The following ROBO2 variants were observed in gnomAD, a reference collection of about 807,000 sequenced individuals.
ROBO2 encodes roundabout guidance receptor 2.
ROBO2 carries 53 observed loss-of-function variants against 160.8 expected under a neutral mutation model. The observed-to-expected ratio is 0.33, with a 90% CI of 0.26 to 0.41. ROBO2 has a LOEUF of 0.41. Among genes scored for constraint, ROBO2 ranks in the 10% least tolerant of loss-of-function variants. The probability of loss-of-function intolerance (pLI) is 1.00; values close to 1 mark genes in which losing one functional copy is unlikely to be tolerated. For missense variants in ROBO2, 1,577 were observed against 1,722.4 expected (o/e 0.92, Z 1.49); for synonymous variants, 664 against 611.7 (o/e 1.09, Z -1.26).
intron 2 of ROBO2, among the ~76,000 whole-genome samples, chr3:76,702,849 T>C (rs1576095121): frequency 6.6e-6 from 1 of 152,100 alleles, no homozygotes; most frequent in East Asian, 1.9e-4. Flanking sequence ...TTGACATACC[T>C]GAGCCTCAGC....
intron 16 of ROBO2, among the ~76,000 whole-genome samples, chr3:77,581,176 T>C (rs1434042068): frequency 6.6e-6 from 1 of 152,178 alleles, no homozygotes; most frequent in African/African-American, 2.4e-5. Context: ...GGGTTGTCTC[T>C]TGTTACTGAT....
At chr3:77,582,582 C>T (rs1332129335) in intron 16 of ROBO2, among the ~76,000 whole-genome samples, 1 of 151,990 alleles carries the variant, frequency 6.6e-6, no homozygotes, top group Non-Finnish European at 1.5e-5. Context: ...TTTGGCTGCT[C>T]TTGGATTATT....
chr3:76,410,151 C>A (rs2075413044), intron 2 of ROBO2, among the ~76,000 whole-genome samples: 1 of 151,980 alleles, frequency 6.6e-6, no homozygotes, highest in African/African-American at 2.4e-5. Flanking sequence ...CAAAAATTTT[C>A]CAGCAAGTCT....
chr3:76,451,653 A>C (rs2109277355), intron 2 of ROBO2, among the ~76,000 whole-genome samples: 1 of 152,286 alleles, frequency 6.6e-6, no homozygotes, highest in African/African-American at 2.4e-5. Context: ...GAGGCCAGGG[A>C]AAGACACTTT....
intron 2 of ROBO2, among the ~76,000 whole-genome samples, chr3:76,825,031 C>T (rs2066441983): frequency 6.6e-6 from 1 of 152,182 alleles, no homozygotes; most frequent in Non-Finnish European, 1.5e-5. Context: ...TGCTGGTAAA[C>T]TTGCTGTAAG....
At chr3:76,354,070 G>A (rs766423215) in intron 2 of ROBO2, among the ~76,000 whole-genome samples, 1 of 151,900 alleles carries the variant, frequency 6.6e-6, no homozygotes, top group Non-Finnish European at 1.5e-5. Flanking sequence ...CATAGACGAA[G>A]CATTTTAAAT....
chr3:77,636,268 C>G (rs1329023706), intron 24 of ROBO2, among the ~76,000 whole-genome samples: 3 of 152,094 alleles, frequency 2.0e-5, no homozygotes, highest in Non-Finnish European at 4.4e-5. Flanking sequence ...AACTACTCAA[C>G]ACTGCCATTG....
chr3:76,574,086 A>C (rs1410109253), intron 2 of ROBO2, among the ~76,000 whole-genome samples: 1 of 152,128 alleles, frequency 6.6e-6, no homozygotes, highest in Non-Finnish European at 1.5e-5. Context: ...TTCATCATTT[A>C]ATACACATTA....
At chr3:77,438,728 C>T (rs1295251666) in intron 2 of ROBO2, among the ~76,000 whole-genome samples, 1 of 152,052 alleles carries the variant, frequency 6.6e-6, no homozygotes, top group East Asian at 1.9e-4. Context: ...CTCACCAGCT[C>T]TACAAAAACA....
chr3:77,212,468 A>T (rs1279032115), intron 2 of ROBO2, among the ~76,000 whole-genome samples: 1 of 152,062 alleles, frequency 6.6e-6, no homozygotes, highest in African/African-American at 2.4e-5. Context: ...GCTTAAGGAG[A>T]TTTGGGGCTG....
exon 1 of ROBO2, chr3:77,040,123 G>A (rs1578444298): frequency 1.0e-6 from 1 of 973,632 alleles, no homozygotes; most frequent in Non-Finnish European, 1.2e-6. Flanking sequence ...TTCTCCACCC[G>A]AATCGTCCTG....
intron 2 of ROBO2, among the ~76,000 whole-genome samples, chr3:77,398,130 T>C (rs1369919971): frequency 1.3e-5 from 2 of 152,120 alleles, no homozygotes; most frequent in African/African-American, 2.4e-5. Context: ...ATGAGATAAC[T>C]AGGATCATTT....
chr3:76,328,466 A>G (rs571613138), intron 2 of ROBO2, among the ~76,000 whole-genome samples: 12 of 152,332 alleles, frequency 7.9e-5, no homozygotes, highest in African/African-American at 2.4e-4. Context: ...TTGCATTTTT[A>G]TAAAATATGT....
chr3:77,525,823 A>G (rs1260016263), intron 6 of ROBO2, among the ~76,000 whole-genome samples: 1 of 150,940 alleles, frequency 6.6e-6, no homozygotes, highest in African/African-American at 2.4e-5. Flanking sequence ...TACACTCAAA[A>G]CGCCTTTTTG....
chr3:76,782,908 T>A (rs184072472), intron 2 of ROBO2, among the ~76,000 whole-genome samples: 2 of 150,840 alleles, frequency 1.3e-5, no homozygotes, highest in Admixed American at 1.3e-4. Flanking sequence ...ATTGCCATTT[T>A]GTTAGTTTTG....
chr3:77,594,201 A>C (rs939465318), intron 17 of ROBO2, among the ~76,000 whole-genome samples: 2 of 152,190 alleles, frequency 1.3e-5, no homozygotes, highest in Admixed American at 6.6e-5. Flanking sequence ...CCACTGCAGA[A>C]AAACTAAATA....
At chr3:76,090,899 G>A (rs6769608) in intron 2 of ROBO2, among the ~76,000 whole-genome samples, 101,626 of 152,106 alleles carry the variant, frequency 0.67, 35,146 homozygotes, top group African/African-American at 0.86. Flanking sequence ...ACCCACATGC[G>A]AACAAACTAA....
At chr3:76,080,796 C>T (rs1418106664) in intron 2 of ROBO2, among the ~76,000 whole-genome samples, 2 of 152,114 alleles carry the variant, frequency 1.3e-5, no homozygotes, top group Non-Finnish European at 2.9e-5. Flanking sequence ...AGTCTTTATG[C>T]AAACAAAGAA....
At chr3:77,109,532 T>G (rs1163776057) in intron 2 of ROBO2, among the ~76,000 whole-genome samples, 1 of 152,062 alleles carries the variant, frequency 6.6e-6, no homozygotes, top group African/African-American at 2.4e-5. Flanking sequence ...TGCTCTGGTG[T>G]GAAATACAGA....
Sources: allele counts gnomAD v4.1 joint callset (sites outside exome capture counted in the v4.1 genomes callset), GRCh38; gene constraint gnomAD v4.1.1; transcripts MANE v1.5; gene names NCBI Gene and HGNC (gene_info 2026-07-23, HGNC 2026-07-21).